The following PSD3 variants were observed in gnomAD, a reference collection of about 807,000 sequenced individuals.
PSD3 encodes the protein PH and SEC7 domain-containing protein 3.
Under a neutral mutation model 105.5 loss-of-function variants are expected in PSD3, and 49 were observed. That is an observed-to-expected ratio of 0.46 (90% CI 0.37 to 0.59). PSD3 has a LOEUF of 0.59. Ranked by LOEUF, PSD3 falls within the 20% of genes least tolerant of loss-of-function variation. The pLI is 0.00. For synonymous variants in PSD3, 557 were observed against 457.8 expected (o/e 1.22, Z -2.77); for missense variants, 1,561 against 1,263.8 (o/e 1.24, Z -3.57).
At chr8:18,641,852 C>T (rs1258907645) in intron 10 of PSD3, among the ~76,000 whole-genome samples, 1 of 151,626 alleles carries the variant, frequency 6.6e-6, no homozygotes, top group African/African-American at 2.4e-5. Flanking sequence ...TATACCACAT[C>T]ACATTATACC....
chr8:19,075,829 G>C (rs917118452), intron 1 of PSD3, among the ~76,000 whole-genome samples: 10 of 152,266 alleles, frequency 6.6e-5, no homozygotes, highest in African/African-American at 2.2e-4. Flanking sequence ...AGCAGAAAAA[G>C]AATCTTCTGT....
At chr8:18,787,399 C>T (rs1809269517) in intron 8 of PSD3, among the ~76,000 whole-genome samples, 1 of 152,000 alleles carries the variant, frequency 6.6e-6, no homozygotes, top group African/African-American at 2.4e-5. Flanking sequence ...AAAACAGATG[C>T]AACTAAAGAT....
intron 8 of PSD3, among the ~76,000 whole-genome samples, chr8:18,789,862 G>C (rs1586000169): frequency 6.6e-6 from 1 of 152,164 alleles, no homozygotes; most frequent in Non-Finnish European, 1.5e-5. Flanking sequence ...CTTAGAATTT[G>C]ACCTGCTTTC....
In PSD3 at chr8:18,843,332, CAAA is replaced by C. The variant is rs371463032; in HGVS notation, c.1634+24339_1634+24341del. On this transcript the variant is annotated intron_variant, in intron 4 of 15. Transcript: ENST00000327040. ...GCCGAGATCGCACGAGACTCCGTCT[CAAA>C]AAAAAAAAAAAAGAGTTATTGCTCT... 1.0e-3 allele frequency among the ~76,000 whole-genome samples: 120 copies of C among 118,586 alleles called. 1 individual carries two copies. The highest frequency in any genetic ancestry group is 5.0e-3 in the East Asian group (16 of 3,188). 77.8% of individuals were successfully genotyped at this position (118,586 alleles called of 152,430 possible). A position where few individuals can be genotyped will look rare whatever the true frequency, so the allele number is the denominator to read the frequency against.
chr8:18,567,908 TG>T (rs759439181), intron 14 of PSD3, among the ~76,000 whole-genome samples: 2 of 152,226 alleles, frequency 1.3e-5, no homozygotes, highest in Admixed American at 6.5e-5. Flanking sequence ...GTTTGCGTTA[TG>T]GGGGTAGATC....
intron 1 of PSD3, among the ~76,000 whole-genome samples, chr8:18,959,809 T>G (rs55800326): frequency 0.41 from 61,977 of 152,038 alleles, 12,874 homozygotes; most frequent in African/African-American, 0.44. Context: ...GAAAAGGCTG[T>G]AGTACAGAAC....
At chr8:18,565,874 G>A (rs1022015847) in intron 14 of PSD3, among the ~76,000 whole-genome samples, 1 of 152,098 alleles carries the variant, frequency 6.6e-6, no homozygotes, top group African/African-American at 2.4e-5. Flanking sequence ...GAACTGGGGG[G>A]TCCCTATTGG....
intron 12 of PSD3, among the ~76,000 whole-genome samples, chr8:18,576,274 T>A (rs1802458300): frequency 6.6e-6 from 1 of 152,214 alleles, no homozygotes; most frequent in South Asian, 2.1e-4. Context: ...CTCTACAATA[T>A]GATGTAAATA....
intron 1 of PSD3, among the ~76,000 whole-genome samples, chr8:19,072,666 T>C (rs1251917353): frequency 6.6e-6 from 1 of 152,190 alleles, no homozygotes; most frequent in Non-Finnish European, 1.5e-5. Context: ...GCAGTGGAAC[T>C]GTTGGACCTG....
At chr8:18,881,283 T>C (rs551736477) in intron 2 of PSD3, among the ~76,000 whole-genome samples, 1 of 152,320 alleles carries the variant, frequency 6.6e-6, no homozygotes, top group African/African-American at 2.4e-5. Context: ...TATTAAGTAG[T>C]CATCTGTTTC....
At chr8:18,935,925 G>A in intron 2 of PSD3, 109 bp downstream of exon 2, 1 of 633,288 alleles carries the variant, frequency 1.6e-6, no homozygotes, top group Non-Finnish European at 2.8e-6. Flanking sequence ...ATTAGGGAAA[G>A]CAGGTTTCAC....
chr8:18,554,638 TC>T (rs1323078978), intron 15 of PSD3, among the ~76,000 whole-genome samples: 1 of 152,096 alleles, frequency 6.6e-6, no homozygotes. Flanking sequence ...TGAAATTGTA[TC>T]CAATTCAGCA....
At chr8:18,873,027 G>A (rs1817494170) in intron 2 of PSD3, among the ~76,000 whole-genome samples, 1 of 152,102 alleles carries the variant, frequency 6.6e-6, no homozygotes. Flanking sequence ...CAGAACCTCA[G>A]TTGCTTCATA....
rs192148678 is a variant in PSD3, at chr8:18,657,242, T to G, written c.2173-1557A>C. ...TCTCATTCAAGTGTTTACATGTGTG[T>G]AAGCAAACAATGCACACCAATAGTA... On this transcript the variant is annotated intron_variant, in intron 9 of 15. Transcript: ENST00000327040. Among the ~76,000 whole-genome samples, 985 of 152,060 alleles carry G rather than the reference T, an allele frequency of 6.5e-3. 10 individuals are homozygous for G. Among genetic ancestry groups the G allele is most frequent in the African/African-American group, 0.021 (886 of 41,546 alleles).
chr8:18,884,204 T>TA (rs11303385), intron 2 of PSD3, among the ~76,000 whole-genome samples: 65 of 150,404 alleles, frequency 4.3e-4, no homozygotes, highest in African/African-American at 9.5e-4. Flanking sequence ...CTTGCAGAGT[T>TA]AAAAAAAAAA....
Position 18,643,588 on chromosome 8 carries a change from G to A in PSD3, c.2217-10782C>T, listed in dbSNP as rs563709891. Among the ~76,000 whole-genome samples, 627 of 152,288 alleles carry A rather than the reference G, an allele frequency of 4.1e-3. 3 individuals are homozygous for A. The highest frequency in any genetic ancestry group is 0.015 in the African/African-American group (611 of 41,550). ...ATAGATGCTCCCATTCCAAAAGGGA[G>A]AAATAGGCAAGAAAAAAGAATGAAC... On this transcript the variant is annotated intron_variant, in intron 10 of 15. Coordinates refer to ENST00000327040, the MANE Select transcript of PSD3 (RefSeq NM_015310.4).
At chr8:18,571,465 G>T (rs1474052768) in intron 14 of PSD3, among the ~76,000 whole-genome samples, 1 of 151,964 alleles carries the variant, frequency 6.6e-6, no homozygotes, top group African/African-American at 2.4e-5. Flanking sequence ...CACCTCCAAG[G>T]CCAGGCTAGA....
At chr8:18,918,516 C>A (rs1343429697) in intron 2 of PSD3, among the ~76,000 whole-genome samples, 1 of 152,224 alleles carries the variant, frequency 6.6e-6, no homozygotes, top group African/African-American at 2.4e-5. Flanking sequence ...AGCCCAGCAA[C>A]TACAGGTATT....
intron 9 of PSD3, among the ~76,000 whole-genome samples, chr8:18,668,074 C>G (rs1799583238): frequency 6.6e-6 from 1 of 152,228 alleles, no homozygotes; most frequent in African/African-American, 2.4e-5. Context: ...CCCTGCACAC[C>G]TCCCAGCAAG....
Sources: gnomAD v4.1 joint callset for allele counts (sites outside exome capture counted in the v4.1 genomes callset) on GRCh38, gnomAD v4.1.1 for gene constraint, MANE v1.5 for transcripts, NCBI Gene and HGNC (gene_info 2026-07-23, HGNC 2026-07-21) for gene names.